The following EPB41L3 variants were observed in gnomAD, a reference collection of about 807,000 sequenced individuals.
EPB41L3 encodes erythrocyte membrane protein band 4.1 like 3.
A neutral mutation model predicts 127.1 loss-of-function variants in EPB41L3; 57 were observed. That is an observed-to-expected ratio of 0.45 (90% CI 0.36 to 0.56). The LOEUF is 0.56. EPB41L3 is among the 20% of genes least tolerant of loss of function. The pLI is 0.00. For synonymous variants in EPB41L3, 572 were observed against 549.5 expected (o/e 1.04, Z -0.57); for missense variants, 1,273 against 1,372.2 (o/e 0.93, Z 1.14).
At chr18:5,446,790 AAAT>A (rs1157450468) in intron 3 of EPB41L3, among the ~76,000 whole-genome samples, 1 of 152,266 alleles carries the variant, frequency 6.6e-6, no homozygotes, top group Admixed American at 6.5e-5. Context: ...AGTATTATGA[AAAT>A]AAATTACTCG....
chr18:5,398,321 T>C, intron 16 of EPB41L3, 178 bp from the exon 17 acceptor site: 1 of 714,162 alleles, frequency 1.4e-6, no homozygotes, highest in Non-Finnish European at 2.3e-6. Flanking sequence ...AACCAGGTGC[T>C]CTTGTTTGGT....
intron 3 of EPB41L3, among the ~76,000 whole-genome samples, chr18:5,448,792 A>G (rs1218902891): frequency 1.3e-5 from 2 of 152,186 alleles, no homozygotes; most frequent in East Asian, 3.8e-4. Flanking sequence ...TAACAAACCA[A>G]CGGTGGCTTG....
At chr18:5,497,807 G>A (rs1399595072) in intron 1 of EPB41L3, among the ~76,000 whole-genome samples, 1 of 152,190 alleles carries the variant, frequency 6.6e-6, no homozygotes, top group African/African-American at 2.4e-5. Flanking sequence ...ATTTAAAACA[G>A]ATTAACATGA....
chr18:5,474,296 G>A (rs1329185993), intron 3 of EPB41L3, among the ~76,000 whole-genome samples: 1 of 152,080 alleles, frequency 6.6e-6, no homozygotes, highest in Non-Finnish European at 1.5e-5. Context: ...CCAACTGCTA[G>A]AAGGAAGTTA....
intron 3 of EPB41L3, among the ~76,000 whole-genome samples, chr18:5,583,039 G>A (rs961233503): frequency 6.6e-6 from 1 of 152,190 alleles, no homozygotes; most frequent in African/African-American, 2.4e-5. Flanking sequence ...GGTGAAAAGA[G>A]GTGGGAGAAC....
chr18:5,463,270 C>T (rs939843740), intron 3 of EPB41L3, among the ~76,000 whole-genome samples: 2 of 152,160 alleles, frequency 1.3e-5, no homozygotes, highest in African/African-American at 4.8e-5. Flanking sequence ...AATAACTCCC[C>T]TACATAAAGC....
chr18:5,565,091 G>T (rs1666193495), intron 3 of EPB41L3, among the ~76,000 whole-genome samples: 1 of 152,132 alleles, frequency 6.6e-6, no homozygotes, highest in Non-Finnish European at 1.5e-5. Context: ...CAATTGTCTA[G>T]TTTGAAGAGA....
In EPB41L3 at chr18:5,393,097, A is replaced by G. The variant is rs1405890997; in HGVS notation, c.*388T>C. 1 of 185,888 alleles carries G rather than the reference A, an allele frequency of 5.4e-6. No homozygotes were observed. The highest frequency in any genetic ancestry group is 1.1e-5 in the Non-Finnish European group (1 of 90,522). 11.5% of individuals were successfully genotyped at this position (185,888 alleles called of 1,614,324 possible). The stretch of plus-strand genomic sequence containing the variant: ...AATATAAGGTTACCTAAGAAATTGC[A>G]ATTTTGTTTAGACTTTAATAATAAT... On this transcript the variant is annotated 3_prime_UTR_variant, in exon 23 of 23. Coordinates refer to ENST00000341928, the MANE Select transcript of EPB41L3 (RefSeq NM_012307.5).
At chr18:5,548,939 A>G (rs148300252), upstream of EPB41L3, among the ~76,000 whole-genome samples, 11 of 152,332 alleles carry the variant, frequency 7.2e-5, no homozygotes, top group African/African-American at 2.6e-4. Flanking sequence ...TTCCCCCAAA[A>G]GACAAAATAA....
At chr18:5,448,052 G>A (rs1349591958) in intron 3 of EPB41L3, among the ~76,000 whole-genome samples, 1 of 152,154 alleles carries the variant, frequency 6.6e-6, no homozygotes, top group Admixed American at 6.5e-5. Flanking sequence ...CCAGCCAGCT[G>A]GATGACTATG....
At chr18:5,431,707 T>C (rs375890154) in intron 8 of EPB41L3, among the ~76,000 whole-genome samples, 2 of 152,166 alleles carry the variant, frequency 1.3e-5, no homozygotes, top group Admixed American at 1.3e-4. Context: ...AACTCAAAAA[T>C]AGCTTCAGAT....
intron 2 of EPB41L3, among the ~76,000 whole-genome samples, chr18:5,480,441 C>A (rs778648936): frequency 6.6e-6 from 1 of 152,068 alleles, no homozygotes; most frequent in Non-Finnish European, 1.5e-5. Flanking sequence ...CCCTCATTTG[C>A]ATATAAGGAG....
At chr18:5,593,007 G>A (rs1036889911) in intron 3 of EPB41L3, among the ~76,000 whole-genome samples, 1 of 152,162 alleles carries the variant, frequency 6.6e-6, no homozygotes, top group Admixed American at 6.5e-5. Flanking sequence ...GTAGGGCAGT[G>A]CTATGCTTGA....
chr18:5,408,487 C>T (rs1011936330), intron 14 of EPB41L3, among the ~76,000 whole-genome samples: 3 of 151,650 alleles, frequency 2.0e-5, no homozygotes, highest in African/African-American at 7.3e-5. Flanking sequence ...GTTCACCAGG[C>T]TAGTCTTGAA....
At chr18:5,460,470 G>A (rs117008896) in intron 3 of EPB41L3, among the ~76,000 whole-genome samples, 1 of 152,154 alleles carries the variant, frequency 6.6e-6, no homozygotes, top group Non-Finnish European at 1.5e-5. Context: ...TATACACATA[G>A]ATATGTATTT....
At chr18:5,425,479 T>C (rs1341989877) in intron 9 of EPB41L3, among the ~76,000 whole-genome samples, 9 of 152,150 alleles carry the variant, frequency 5.9e-5, no homozygotes, top group African/African-American at 1.9e-4. Context: ...AATATGCACA[T>C]ATTACGCCAA....
chr18:5,617,065 T>A (rs920367705), intron 1 of EPB41L3, among the ~76,000 whole-genome samples: 2 of 152,222 alleles, frequency 1.3e-5, no homozygotes, highest in African/African-American at 4.8e-5. Context: ...ATTGTATCAA[T>A]TTACCTTCTT....
intron 3 of EPB41L3, among the ~76,000 whole-genome samples, chr18:5,460,290 G>A (rs1229951717): frequency 6.6e-6 from 1 of 152,112 alleles, no homozygotes; most frequent in Admixed American, 6.5e-5. Context: ...ATCCTTCAGG[G>A]TGATGTCTGG....
intron 3 of EPB41L3, among the ~76,000 whole-genome samples, chr18:5,461,928 T>A (rs746174761): frequency 2.2e-4 from 34 of 152,066 alleles, no homozygotes; most frequent in Non-Finnish European, 2.9e-4. Flanking sequence ...AAAAAAAGAA[T>A]CCTTTGCCTC....
Sources: allele counts gnomAD v4.1 joint callset (sites outside exome capture counted in the v4.1 genomes callset), GRCh38; gene constraint gnomAD v4.1.1; transcripts MANE v1.5; gene names NCBI Gene and HGNC (gene_info 2026-07-23, HGNC 2026-07-21).